The following ARHGEF26 variants were observed in gnomAD, a reference collection of about 807,000 sequenced individuals.
The protein encoded by ARHGEF26 is Rho guanine nucleotide exchange factor (GEF) 26.
A neutral mutation model predicts 89.4 loss-of-function variants in ARHGEF26; 59 were observed. That is an observed-to-expected ratio of 0.66 (90% CI 0.54 to 0.82). The LOEUF (loss-of-function observed/expected upper bound fraction) is 0.82, where lower values mean the gene tolerates loss of function less well. ARHGEF26 is among the 40% of genes least tolerant of loss of function. The pLI is 0.00. For synonymous variants in ARHGEF26, 500 were observed against 428.4 expected (o/e 1.17, Z -2.06); for missense variants, 1,234 against 1,085.6 (o/e 1.14, Z -1.92).
At chr3:154,245,215 A>C (rs1324220321) in intron 12 of ARHGEF26, among the ~76,000 whole-genome samples, 1 of 151,928 alleles carries the variant, frequency 6.6e-6, no homozygotes, top group East Asian at 1.9e-4. Context: ...GTTAGTAGAG[A>C]CGGGGTTTCA....
intron 6 of ARHGEF26, among the ~76,000 whole-genome samples, chr3:154,162,564 A>G (rs571043803): frequency 6.6e-6 from 1 of 152,244 alleles, no homozygotes; most frequent in East Asian, 1.9e-4. Flanking sequence ...AGCCAGGGCC[A>G]TTGCATGTGT....
At chr3:154,207,144 T>C (rs1352601394) in intron 9 of ARHGEF26, among the ~76,000 whole-genome samples, 1 of 152,102 alleles carries the variant, frequency 6.6e-6, no homozygotes, top group South Asian at 2.1e-4. Flanking sequence ...ACCTTAAAAC[T>C]ATAAAACCCT....
intron 9 of ARHGEF26, among the ~76,000 whole-genome samples, chr3:154,199,976 A>G (rs1714528059): frequency 6.6e-6 from 1 of 152,052 alleles, no homozygotes; most frequent in South Asian, 2.1e-4. Flanking sequence ...TCAGATGGCT[A>G]GCTTGCACAT....
chr3:154,202,912 G>A (rs984063774), intron 9 of ARHGEF26, among the ~76,000 whole-genome samples: 6 of 152,110 alleles, frequency 3.9e-5, no homozygotes, highest in African/African-American at 1.4e-4. Context: ...AGACGATGGA[G>A]TTTTCTAGAT....
At chr3:154,201,113 A>G (rs931281329) in intron 9 of ARHGEF26, among the ~76,000 whole-genome samples, 11 of 151,912 alleles carry the variant, frequency 7.2e-5, no homozygotes, top group Admixed American at 2.6e-4. Flanking sequence ...TTAACTCTTC[A>G]TTTAATATTA....
chr3:154,209,888 G>C lies in ARHGEF26; in HGVS notation c.1846-7981G>C, dbSNP rs533736292. Among the ~76,000 whole-genome samples the C allele has an allele frequency of 3.3e-5, 5 of 152,278 alleles. No individual in the cohort carries two copies. In the East Asian group the frequency reaches 9.7e-4, roughly 29 times the overall value. ...GGGTCGAGAGGTACCGTTCACAAAC[G>C]GTCTAAAGTCTAAAACCTCAGAAGT... On this transcript the variant is annotated intron_variant, in intron 9 of 14. Transcript: ENST00000465093.
intron 6 of ARHGEF26, among the ~76,000 whole-genome samples, chr3:154,175,437 A>G (rs924482377): frequency 4.6e-5 from 7 of 152,236 alleles, no homozygotes; most frequent in Non-Finnish European, 1.0e-4. Context: ...TAGTGTTAAA[A>G]AAAAAAGTGC....
At chr3:154,126,890 G>C (rs897594667) in intron 3 of ARHGEF26, among the ~76,000 whole-genome samples, 1 of 152,122 alleles carries the variant, frequency 6.6e-6, no homozygotes, top group Non-Finnish European at 1.5e-5. Context: ...AAACCAGATG[G>C]TATAGCCTAG....
At chr3:154,124,512 A>C in intron 3 of ARHGEF26, 63 bp downstream of exon 3, 3 of 1,392,854 alleles carry the variant, frequency 2.2e-6, no homozygotes, top group Non-Finnish European at 1.9e-6. Flanking sequence ...TTATAAGTTG[A>C]AATCCAACTG....
At chr3:154,149,019 G>GC (rs1719853935) in intron 4 of ARHGEF26, among the ~76,000 whole-genome samples, 1 of 152,086 alleles carries the variant, frequency 6.6e-6, no homozygotes, top group South Asian at 2.1e-4. Context: ...AAAAGCATGA[G>GC]CCCTGGAGTT....
Position 154,238,766 on chromosome 3 carries a change from G to A in ARHGEF26, c.2091-1604G>A, listed in dbSNP as rs184782125. ...TCACTCGCAAGGGTGCAGGTGCAGA[G>A]TAGAGGAAAAGCTGTATGTCACCAG... On this transcript the variant is annotated intron_variant, in intron 11 of 14. Coordinates refer to ENST00000465093, the MANE Select transcript of ARHGEF26 (RefSeq NM_015595.4). 5.1e-4 allele frequency among the ~76,000 whole-genome samples: 78 copies of A among 152,320 alleles called. 2 individuals are homozygous for A. The highest frequency in any genetic ancestry group is 1.8e-3 in the African/African-American group (75 of 41,572).
intron 9 of ARHGEF26, among the ~76,000 whole-genome samples, chr3:154,210,298 C>T (rs537447462): frequency 2.6e-5 from 4 of 152,156 alleles, no homozygotes; most frequent in Non-Finnish European, 4.4e-5. Flanking sequence ...TCAGGGCCCT[C>T]GGCATAGTAC....
At chr3:154,166,302 G>T (rs1033436977) in intron 6 of ARHGEF26, among the ~76,000 whole-genome samples, 1 of 152,094 alleles carries the variant, frequency 6.6e-6, no homozygotes, top group African/African-American at 2.4e-5. Flanking sequence ...CGCCCGCCTT[G>T]GCCTCCCAAA....
chr3:154,255,632 G>A lies in ARHGEF26; in HGVS notation c.*159G>A. Reference sequence around the variant, plus strand: ...GCCAGGTTGTTCTGCTCTCTCATGAGAAGAGCTTGGATACAGTGAGTTTGC... The same window carrying A: ...GCCAGGTTGTTCTGCTCTCTCATGAAAAGAGCTTGGATACAGTGAGTTTGC... On this transcript the variant is annotated 3_prime_UTR_variant, in exon 15 of 15. Coordinates refer to ENST00000465093, the MANE Select transcript of ARHGEF26 (RefSeq NM_015595.4). 7.0e-7 allele frequency: 1 copy of A among 1,438,010 alleles called. No homozygotes were observed. Among genetic ancestry groups the A allele is most frequent in the East Asian group, 2.5e-5 (1 of 39,858 alleles). 89.1% of individuals were successfully genotyped at this position (1,438,010 alleles called of 1,614,324 possible). A position where few individuals can be genotyped will look rare whatever the true frequency, so the allele number is the denominator to read the frequency against.
At chr3:154,194,887 T>C (rs948692277) in intron 9 of ARHGEF26, among the ~76,000 whole-genome samples, 169 bp downstream of exon 9, 3 of 152,178 alleles carry the variant, frequency 2.0e-5, no homozygotes, top group Non-Finnish European at 2.9e-5. Flanking sequence ...TCAGGTGAAG[T>C]TGGTATTTTT....
chr3:154,229,567 C>T (rs1231057907), intron 11 of ARHGEF26, among the ~76,000 whole-genome samples: 3 of 152,150 alleles, frequency 2.0e-5, no homozygotes, highest in South Asian at 2.1e-4. Context: ...AACCTTGGCA[C>T]GATTGACATT....
At chr3:154,177,096 T>C (rs1230145482) in intron 6 of ARHGEF26, among the ~76,000 whole-genome samples, 1 of 152,184 alleles carries the variant, frequency 6.6e-6, no homozygotes, top group Non-Finnish European at 1.5e-5. Flanking sequence ...TGGTGAAATG[T>C]GACTGTTTAT....
chr3:154,157,894 C>T (rs1043681715), intron 6 of ARHGEF26, among the ~76,000 whole-genome samples: 2 of 152,088 alleles, frequency 1.3e-5, no homozygotes, highest in Non-Finnish European at 2.9e-5. Context: ...GAAAAATCTT[C>T]AGTAGGGATG....
At chr3:154,196,738 C>G (rs968950471) in intron 9 of ARHGEF26, among the ~76,000 whole-genome samples, 13 of 152,028 alleles carry the variant, frequency 8.6e-5, no homozygotes, top group Admixed American at 7.9e-4. Context: ...GGTGCTTCCT[C>G]CAAGACCTCA....
Sources: gnomAD v4.1 joint callset for allele counts (sites outside exome capture counted in the v4.1 genomes callset) on GRCh38, gnomAD v4.1.1 for gene constraint, MANE v1.5 for transcripts, NCBI Gene and HGNC (gene_info 2026-07-23, HGNC 2026-07-21) for gene names.